Variants in CCDC178 observed in about 807,000 individuals in gnomAD.
CCDC178 encodes coiled-coil domain containing 178.
A neutral mutation model predicts 117.4 loss-of-function variants in CCDC178; 126 were observed. The observed-to-expected ratio is 1.07, with a 90% CI of 0.93 to 1.24. The LOEUF is 1.24. CCDC178 is among the 50% of genes most tolerant of loss of function. The pLI, the probability that CCDC178 is intolerant of heterozygous loss-of-function variation, is 0.00. For synonymous variants in CCDC178, 283 were observed against 313.4 expected, an observed-to-expected ratio of 0.90 and a Z score of 1.02; for missense variants, 1,030 against 986.9, an observed-to-expected ratio of 1.04 and a Z score of -0.59.
chr18:33,416,355 C>T (rs181637291), intron 2 of CCDC178, among the ~76,000 whole-genome samples: 66 of 151,426 alleles, frequency 4.4e-4, no homozygotes, highest in African/African-American at 1.4e-3. Flanking sequence ...TGAACCCAGA[C>T]GGCGGAGCTT....
At chr18:33,330,907 G>A (rs950982030) in intron 10 of CCDC178, among the ~76,000 whole-genome samples, 3 of 151,300 alleles carry the variant, frequency 2.0e-5, no homozygotes, top group Non-Finnish European at 1.5e-5. Context: ...TCCAAAAAAT[G>A]TACATTTATT....
chr18:33,411,191 C>G (rs561036446), intron 3 of CCDC178, among the ~76,000 whole-genome samples: 2 of 152,272 alleles, frequency 1.3e-5, no homozygotes, highest in Non-Finnish European at 2.9e-5. Flanking sequence ...TACATAGCAT[C>G]AGTGCAGCAG....
chr18:33,362,966 AT>A (rs1330172222), intron 6 of CCDC178, among the ~76,000 whole-genome samples: 1 of 151,958 alleles, frequency 6.6e-6, no homozygotes, highest in Admixed American at 6.6e-5. Context: ...TAAATTACAA[AT>A]TTTAATTATA....
chr18:33,180,561 A>G (rs1305092426), intron 20 of CCDC178, among the ~76,000 whole-genome samples: 2 of 151,976 alleles, frequency 1.3e-5, no homozygotes, highest in African/African-American at 2.4e-5. Context: ...TGTTGCTACA[A>G]TTTTAAAAAT....
intron 20 of CCDC178, among the ~76,000 whole-genome samples, chr18:33,122,780 C>T (rs936399137): frequency 6.6e-6 from 1 of 152,144 alleles, no homozygotes; most frequent in African/African-American, 2.4e-5. Flanking sequence ...ATTTGCTTGG[C>T]TTTTTCACAA....
chr18:33,075,195 CT>C (rs1308814169), intron 21 of CCDC178, among the ~76,000 whole-genome samples: 70 of 152,268 alleles, frequency 4.6e-4, no homozygotes, highest in African/African-American at 1.6e-3. Flanking sequence ...TTCCACTCCC[CT>C]AGTATCACTG....
chr18:33,359,273 T>C (rs1210706434), intron 6 of CCDC178, among the ~76,000 whole-genome samples: 1 of 151,758 alleles, frequency 6.6e-6, no homozygotes, highest in Non-Finnish European at 1.5e-5. Context: ...ACATTATTAC[T>C]CCAAATTTTT....
chr18:33,084,571 G>A (rs1177297058), intron 21 of CCDC178, among the ~76,000 whole-genome samples: 1 of 152,048 alleles, frequency 6.6e-6, no homozygotes, highest in African/African-American at 2.4e-5. Flanking sequence ...CCAGCACTTT[G>A]AGGGGCCGAG....
At chr18:33,076,118 G>A (rs191140950) in intron 21 of CCDC178, among the ~76,000 whole-genome samples, 10 of 152,218 alleles carry the variant, frequency 6.6e-5, no homozygotes, top group East Asian at 1.9e-4. Context: ...AATTTATAAC[G>A]TAGTAAAGAA....
At chr18:32,952,772 C>CT (rs112669320) in intron 22 of CCDC178, among the ~76,000 whole-genome samples, 4,433 of 130,048 alleles carry the variant, frequency 0.034, 240 homozygotes, top group African/African-American at 0.09. Context: ...ATTTTATAAA[C>CT]TTTTTTTTTT....
chr18:33,042,092 G>A (rs2056559974), intron 21 of CCDC178, among the ~76,000 whole-genome samples: 1 of 151,858 alleles, frequency 6.6e-6, no homozygotes, highest in Admixed American at 6.6e-5. Context: ...GAATGTCAAA[G>A]CAATTAGTTG....
rs1010536094 is a variant in CCDC178, at chr18:33,099,614, A to G, written c.2239-6704T>C. Among the ~76,000 whole-genome samples the G allele has an allele frequency of 3.1e-4, 47 of 152,080 alleles. 1 individual carries two copies. The highest frequency in any genetic ancestry group is 1.1e-3 in the African/African-American group (44 of 41,436). On this transcript the variant is annotated intron_variant, in intron 20 of 22. Transcript: ENST00000383096. ...CTGATCCTCTAACAATGTAGAAGAC[A>G]GGGAGAAAATATCTTCTTTATTAAG...
chr18:33,083,493 T>C (rs1383740741), intron 21 of CCDC178, among the ~76,000 whole-genome samples: 1 of 152,254 alleles, frequency 6.6e-6, no homozygotes, highest in African/African-American at 2.4e-5. Flanking sequence ...CATTGTAAGA[T>C]ATTATGCTAA....
chr18:33,359,525 T>C (rs561978709), intron 6 of CCDC178, among the ~76,000 whole-genome samples: 2 of 151,786 alleles, frequency 1.3e-5, no homozygotes, highest in African/African-American at 2.4e-5. Context: ...TGAAGTCTTA[T>C]ATTCATAACT....
intron 14 of CCDC178, among the ~76,000 whole-genome samples, chr18:33,257,757 T>C (rs2144734977): frequency 6.6e-6 from 1 of 152,266 alleles, no homozygotes; most frequent in South Asian, 2.1e-4. Flanking sequence ...AACTGTCCCA[T>C]TGTTTAATTT....
intron 5 of CCDC178, among the ~76,000 whole-genome samples, chr18:33,375,395 C>G (rs2063350925): frequency 6.6e-6 from 1 of 152,124 alleles, no homozygotes; most frequent in African/African-American, 2.4e-5. Context: ...CAGCTTTAGA[C>G]TTAACCTTGC....
chr18:33,003,475 A>C (rs1447155519), intron 21 of CCDC178, among the ~76,000 whole-genome samples: 1 of 152,190 alleles, frequency 6.6e-6, no homozygotes, highest in Non-Finnish European at 1.5e-5. Context: ...ACATTTGATA[A>C]AATTTAACAT....
At chr18:33,101,078 C>T (rs1598883731) in intron 20 of CCDC178, among the ~76,000 whole-genome samples, 1 of 151,780 alleles carries the variant, frequency 6.6e-6, no homozygotes. Context: ...GTAATAATTT[C>T]TCTAAATTTA....
chr18:32,996,572 A>G (rs1333457799), intron 21 of CCDC178, among the ~76,000 whole-genome samples: 1 of 151,972 alleles, frequency 6.6e-6, no homozygotes, highest in African/African-American at 2.4e-5. Context: ...ATATTAAATG[A>G]ATAAAGTAGA....
Sources: allele counts gnomAD v4.1 joint callset (sites outside exome capture counted in the v4.1 genomes callset), GRCh38; gene constraint gnomAD v4.1.1; transcripts MANE v1.5; gene names NCBI Gene and HGNC (gene_info 2026-07-23, HGNC 2026-07-21).